The following PCDHGA6 variants were observed in gnomAD, a reference collection of about 807,000 sequenced individuals.
The protein encoded by PCDHGA6 is protocadherin gamma-A6.
A neutral mutation model predicts 60.6 loss-of-function variants in PCDHGA6; 41 were observed. That is an observed-to-expected ratio of 0.68 (90% CI 0.53 to 0.88). The LOEUF is 0.88. PCDHGA6 is among the 40% of genes least tolerant of loss of function. The pLI is 0.00. For synonymous variants in PCDHGA6, 594 were observed against 524.4 expected (o/e 1.13, Z -1.81); for missense variants, 1,312 against 1,203.0 (o/e 1.09, Z -1.34).
At chr5:141,393,388 C>G (rs775991086) in intron 1 of PCDHGA6, 7 of 1,613,992 alleles carry the variant, frequency 4.3e-6, no homozygotes, top group Non-Finnish European at 5.9e-6. Context: ...GCCATAAACC[C>G]AGAGCTGGTG....
chr5:141,450,645 C>T (rs2098688869), intron 1 of PCDHGA6, among the ~76,000 whole-genome samples: 2 of 151,618 alleles, frequency 1.3e-5, no homozygotes, highest in Non-Finnish European at 2.9e-5. Context: ...TGCCACCATG[C>T]CTGGCTAATT....
In PCDHGA6 at chr5:141,375,320, G is replaced by A. The variant is rs1338614455; in HGVS notation, c.1237G>A (p.Glu413Lys). Residue 413 changes from glutamate (E) to lysine (K), a missense_variant, in exon 1 of 4, where the codon GAA becomes AAA. Coordinates refer to ENST00000517434, the MANE Select transcript of PCDHGA6 (RefSeq NM_018919.3). ...AGTGACAAATGCAGCTCTAGACCGG[G>A]AAGAGGTATTCTTGTACAACATCAC... is the stretch of plus-strand genomic sequence containing the variant. ...RLVTNAALDR[E>K]EVFLYNITVT... The A allele has an allele frequency of 6.2e-7, 1 of 1,613,688 alleles. No homozygotes were observed. The highest frequency in any genetic ancestry group is 2.2e-5 in the East Asian group (1 of 44,890).
chr5:141,486,263 G>GAACCTGGC lies in PCDHGA6; in HGVS notation c.2425-8542_2425-8535dup. 6.2e-7 allele frequency: 1 copy of GAACCTGGC among 1,614,090 alleles called. No homozygotes were observed. Among genetic ancestry groups the GAACCTGGC allele is most frequent in the South Asian group, 1.1e-5 (1 of 91,064 alleles). On this transcript the variant is annotated intron_variant, in intron 1 of 3. Coordinates refer to ENST00000517434, the MANE Select transcript of PCDHGA6 (RefSeq NM_018919.3). This position sits in a 1 kb window ranked among gnomAD's most constrained non-coding sequence, Gnocchi z 5.0. ...GCTTGGAACCCTCCCCGAGAGTGCAGAACCTGGCACTGTGGTGGCACTTAT... is the reference window on the plus strand; with the variant it reads ...GCTTGGAACCCTCCCCGAGAGTGCAGAACCTGGCAACCTGGCACTGTGGTGGCACTTAT...
chr5:141,422,780 T>C, intron 1 of PCDHGA6: 2 of 1,614,140 alleles, frequency 1.2e-6, no homozygotes, highest in Non-Finnish European at 1.7e-6. Context: ...CTCTATGCCC[T>C]ACAATCCTTC....
intron 1 of PCDHGA6, among the ~76,000 whole-genome samples, chr5:141,473,858 C>T (rs569473917): frequency 6.6e-6 from 1 of 152,168 alleles, no homozygotes; most frequent in Non-Finnish European, 1.5e-5. Flanking sequence ...ATGAACCTCG[C>T]TATTGTGGAG....
Position 141,486,146 on chromosome 5 carries a change from G to A in PCDHGA6, c.2425-8661G>A, listed in dbSNP as rs533158692. The A allele has an allele frequency of 3.1e-6, 5 of 1,614,184 alleles. No homozygotes were observed. The highest frequency in any genetic ancestry group is 2.2e-5 in the East Asian group (1 of 44,876). The stretch of plus-strand genomic sequence containing the variant: ...TGAATTTGATGTGCGGGCTCGCGAT[G>A]GGGGTTCTCCAGCCATGGAGCAACA... On this transcript the variant is annotated intron_variant, in intron 1 of 3. Transcript: ENST00000517434. The surrounding 1 kb of genome is among the most constrained non-coding windows in gnomAD (Gnocchi z 5.0).
rs776335336 is a variant in PCDHGA6 at position 141,403,470 on chromosome 5, G to A, written c.2424+26963G>A. The A allele has an allele frequency of 3.7e-5, 59 of 1,613,910 alleles. No homozygotes were observed. Among genetic ancestry groups the A allele is most frequent in the Non-Finnish European group, 4.8e-5 (57 of 1,179,918 alleles). ...AACTCCCTCCAGAGCTACCAGCTCAGCCCCAATCACCACTTCTCCCTGAAC... is the reference window on the plus strand; with the variant it reads ...AACTCCCTCCAGAGCTACCAGCTCAACCCCAATCACCACTTCTCCCTGAAC... On this transcript the variant is annotated intron_variant, in intron 1 of 3. Coordinates refer to ENST00000517434, the MANE Select transcript of PCDHGA6 (RefSeq NM_018919.3).
At chr5:141,419,584 C>T in intron 1 of PCDHGA6, 1 of 1,611,798 alleles carries the variant, frequency 6.2e-7, no homozygotes, top group Non-Finnish European at 8.5e-7. Context: ...CCGCGCTCTT[C>T]GACACAGTGC....
chr5:141,459,090 A>G (rs769066156), intron 1 of PCDHGA6, among the ~76,000 whole-genome samples: 4 of 152,218 alleles, frequency 2.6e-5, no homozygotes, highest in Non-Finnish European at 4.4e-5. Flanking sequence ...TTAAAATTAT[A>G]CAGTGCAATG....
intron 1 of PCDHGA6, among the ~76,000 whole-genome samples, chr5:141,473,873 C>CA (rs1471085914): frequency 2.6e-5 from 4 of 152,130 alleles, no homozygotes; most frequent in African/African-American, 7.2e-5. Flanking sequence ...GTGGAGAATG[C>CA]ATACACAAGG....
At chr5:141,435,503 A>G (rs2097767522) in intron 1 of PCDHGA6, among the ~76,000 whole-genome samples, 1 of 152,170 alleles carries the variant, frequency 6.6e-6, no homozygotes, top group Non-Finnish European at 1.5e-5. Context: ...TACACTAATG[A>G]TACTAATGAT....
chr5:141,491,662 A>C lies in PCDHGA6; in HGVS notation c.2425-3145A>C. 2 of 1,613,770 alleles carry C rather than the reference A, an allele frequency of 1.2e-6. No homozygotes were observed. The highest frequency in any genetic ancestry group is 1.7e-6 in the Non-Finnish European group (2 of 1,180,018). ...AGCTCTGGCGCTGGAGCCTGACGCC[A>C]TCCGGTCCCGCTCTAATACGCTGCG... On this transcript the variant is annotated intron_variant, in intron 1 of 3. Coordinates refer to ENST00000517434, the MANE Select transcript of PCDHGA6 (RefSeq NM_018919.3). This position sits in a 1 kb window ranked among gnomAD's most constrained non-coding sequence, Gnocchi z 6.9.
chr5:141,377,234 A>G (rs930126053), intron 1 of PCDHGA6: 14 of 152,160 alleles, frequency 9.2e-5, no homozygotes, highest in African/African-American at 3.1e-4. Flanking sequence ...TTTTCCTACT[A>G]TGTGACATTT....
At chr5:141,450,810 AT>A (rs755484062) in intron 1 of PCDHGA6, among the ~76,000 whole-genome samples, 1 of 136,728 alleles carries the variant, frequency 7.3e-6, no homozygotes, top group Admixed American at 7.3e-5. Context: ...TTATTTATTT[AT>A]TTAATATTAT....
At position 141,486,538 on chromosome 5, in the gene PCDHGA6, C is replaced by A; in HGVS notation, c.2425-8269C>A. 1 of 1,614,150 alleles carries A rather than the reference C, an allele frequency of 6.2e-7. No individual in the cohort carries two copies. Among genetic ancestry groups the A allele is most frequent in the Non-Finnish European group, 8.5e-7 (1 of 1,180,038 alleles). ...ATGTGAATGATAATCCACCCTCTTTCTTTCAGAGGTCACATGAGGTGTTTG... is the reference window on the plus strand; with the variant it reads ...ATGTGAATGATAATCCACCCTCTTTATTTCAGAGGTCACATGAGGTGTTTG... On this transcript the variant is annotated intron_variant, in intron 1 of 3. Coordinates refer to ENST00000517434, the MANE Select transcript of PCDHGA6 (RefSeq NM_018919.3). This position sits in a 1 kb window ranked among gnomAD's most constrained non-coding sequence, Gnocchi z 5.0.
At chr5:141,395,547 TGTGTGTG>T (rs1561655273) in intron 1 of PCDHGA6, 9,050 of 174,290 alleles carry the variant, frequency 0.052, 489 homozygotes, top group Middle Eastern at 0.08. Context: ...ATTGTTTGTG[TGTGTGTG>T]TGTGTGTGTG....
At position 141,432,299 on chromosome 5, in the gene PCDHGA6, C is replaced by G; in HGVS notation, c.2424+55792C>G. ...GTCCATCAACTCCGACACTGGGGTA[C>G]TGTATGCGCTGAGCTCCTTCGACTA... is the stretch of plus-strand genomic sequence containing the variant. On this transcript the variant is annotated intron_variant, in intron 1 of 3. Transcript: ENST00000517434. This position sits in a 1 kb window ranked among gnomAD's most constrained non-coding sequence, Gnocchi z 6.0. The G allele has an allele frequency of 2.5e-6, 4 of 1,614,278 alleles. No homozygotes were observed. The highest frequency in any genetic ancestry group is 3.4e-6 in the Non-Finnish European group (4 of 1,180,056).
At chr5:141,421,564 G>T (rs2096583836) in intron 1 of PCDHGA6, 2 of 1,613,864 alleles carry the variant, frequency 1.2e-6, no homozygotes, top group Admixed American at 3.3e-5. Flanking sequence ...TCTCGTGGAA[G>T]ACACCTTGAA....
chr5:141,499,029 A>AAGGAAGGAAGG lies in PCDHGA6; in HGVS notation c.2483+4165_2483+4166insGGAAGGAAGGA, dbSNP rs1562187768. ...GGAAGGAAGGAAGGAAGGAAGGAAG[A>AAGGAAGGAAGG]AAAGAAAGAAAAAGGGAGAAAAAAT... On this transcript the variant is annotated intron_variant, in intron 2 of 3. Transcript: ENST00000517434. 4.1e-4 allele frequency among the ~76,000 whole-genome samples: 57 copies of AAGGAAGGAAGG among 140,074 alleles called. 2 individuals are homozygous for AAGGAAGGAAGG. Among genetic ancestry groups the AAGGAAGGAAGG allele is most frequent in the African/African-American group, 1.4e-3 (52 of 36,074 alleles). 91.9% of individuals were successfully genotyped at this position (140,074 alleles called of 152,430 possible).
Sources: allele counts gnomAD v4.1 joint callset (sites outside exome capture counted in the v4.1 genomes callset), GRCh38; gene constraint gnomAD v4.1.1; non-coding constraint Gnocchi (gnomAD v3.1); transcripts MANE v1.5; gene names NCBI Gene and HGNC (gene_info 2026-07-23, HGNC 2026-07-21).